CDK14: variants seen among roughly 807,000 people sequenced by gnomAD.
CDK14 encodes the protein cyclin-dependent kinase 14.
A neutral mutation model predicts 60.7 loss-of-function variants in CDK14; 34 were observed. The observed-to-expected ratio is 0.56, with a 90% CI of 0.43 to 0.75. The LOEUF (loss-of-function observed/expected upper bound fraction) is 0.75, where lower values mean the gene tolerates loss of function less well. Ranked by LOEUF, CDK14 falls within the 30% of genes least tolerant of loss-of-function variation. The probability of loss-of-function intolerance (pLI) is 0.00; values close to 1 mark genes in which losing one functional copy is unlikely to be tolerated. For missense variants in CDK14, 482 were observed against 564.1 expected, an observed-to-expected ratio of 0.85 and a Z score of 1.47; for synonymous variants, 197 against 203.7, an observed-to-expected ratio of 0.97 and a Z score of 0.28.
At chr7:90,643,075 C>A (rs1800377933) in intron 2 of CDK14, among the ~76,000 whole-genome samples, 1 of 152,144 alleles carries the variant, frequency 6.6e-6, no homozygotes, top group African/African-American at 2.4e-5. Flanking sequence ...TTTGAGGAGG[C>A]ACCTGGAGGT....
chr7:90,667,079 C>G (rs1215496146), intron 2 of CDK14, among the ~76,000 whole-genome samples: 1 of 151,964 alleles, frequency 6.6e-6, no homozygotes, highest in Non-Finnish European at 1.5e-5. Context: ...GATAGTTGCA[C>G]ATAATAGGTA....
intron 6 of CDK14, among the ~76,000 whole-genome samples, chr7:90,880,554 A>C (rs73222772): frequency 0.058 from 8,870 of 152,276 alleles, 395 homozygotes; most frequent in South Asian, 0.093. Flanking sequence ...GTTTCCCCAC[A>C]GCAAAACATA....
At chr7:91,122,542 C>CTCAAA (rs1799811765) in intron 14 of CDK14, among the ~76,000 whole-genome samples, 1 of 152,180 alleles carries the variant, frequency 6.6e-6, no homozygotes, top group African/African-American at 2.4e-5. Context: ...CATCTCAACT[C>CTCAAA]TGGAAACTGC....
At chr7:90,731,162 G>GTA (rs1802850740) in intron 3 of CDK14, among the ~76,000 whole-genome samples, 1 of 152,168 alleles carries the variant, frequency 6.6e-6, no homozygotes, top group Non-Finnish European at 1.5e-5. Flanking sequence ...TCAGATGGTT[G>GTA]TAGATGTGTG....
intron 9 of CDK14, among the ~76,000 whole-genome samples, chr7:90,980,708 G>A (rs705343): frequency 0.75 from 113,704 of 152,118 alleles, 42,583 homozygotes; most frequent in East Asian, 0.77. Context: ...GTACATCCTC[G>A]AGCATGTTTG....
chr7:90,997,896 A>C (rs1795730744), intron 10 of CDK14, among the ~76,000 whole-genome samples: 1 of 152,204 alleles, frequency 6.6e-6, no homozygotes, highest in African/African-American at 2.4e-5. Context: ...ATTTTGAAGA[A>C]GTTTGACAAA....
chr7:90,976,668 C>T lies in CDK14; in HGVS notation c.948-7480C>T, dbSNP rs150458749. ...AATCAACCATGGCACCTGTCCTCATCGGCCCATTTTTAAATAAGATTGATA... is the reference window on the plus strand; with the variant it reads ...AATCAACCATGGCACCTGTCCTCATTGGCCCATTTTTAAATAAGATTGATA... On this transcript the variant is annotated intron_variant, in intron 9 of 14. Transcript: ENST00000380050. 2.5e-4 allele frequency among the ~76,000 whole-genome samples: 38 copies of T among 152,136 alleles called. 1 individual carries two copies. The highest frequency in any genetic ancestry group is 7.9e-4 in the African/African-American group (33 of 41,528).
chr7:90,848,756 A>G (rs901077584), intron 5 of CDK14, among the ~76,000 whole-genome samples: 2 of 152,202 alleles, frequency 1.3e-5, no homozygotes, highest in Admixed American at 6.5e-5. Flanking sequence ...CTGCCAATCA[A>G]TGAATCTGTA....
At chr7:90,908,031 A>G (rs959329630) in intron 7 of CDK14, among the ~76,000 whole-genome samples, 5 of 152,166 alleles carry the variant, frequency 3.3e-5, no homozygotes, top group Non-Finnish European at 5.9e-5. Context: ...CTGTATTTTA[A>G]TTAAGAAATA....
intron 11 of CDK14, among the ~76,000 whole-genome samples, chr7:91,047,791 AGAG>A (rs1797283006): frequency 6.6e-6 from 1 of 152,162 alleles, no homozygotes; most frequent in Non-Finnish European, 1.5e-5. Flanking sequence ...AGTTTGCTTG[AGAG>A]GAGTCAAGAG....
At chr7:90,770,462 A>G (rs1354674160) in intron 4 of CDK14, among the ~76,000 whole-genome samples, 1 of 152,162 alleles carries the variant, frequency 6.6e-6, no homozygotes, top group Non-Finnish European at 1.5e-5. Flanking sequence ...TTAGGTGAAC[A>G]TTGTTGATTG....
At chr7:91,164,605 A>C (rs1456085523) in intron 14 of CDK14, among the ~76,000 whole-genome samples, 1 of 152,204 alleles carries the variant, frequency 6.6e-6, no homozygotes, top group Admixed American at 6.5e-5. Flanking sequence ...AGATTTGGCT[A>C]TGTTGCAGAT....
At chr7:91,202,796 G>C (rs1274691390) in intron 14 of CDK14, among the ~76,000 whole-genome samples, 1 of 152,148 alleles carries the variant, frequency 6.6e-6, no homozygotes, top group East Asian at 1.9e-4. Flanking sequence ...CCTCTCTTCT[G>C]TTCTCATTAT....
intron 4 of CDK14, among the ~76,000 whole-genome samples, chr7:90,760,847 A>G (rs1170033878): frequency 6.6e-6 from 1 of 152,246 alleles, no homozygotes; most frequent in Non-Finnish European, 1.5e-5. Flanking sequence ...AGATCTGTGT[A>G]TAGGTGAAAG....
intron 9 of CDK14, among the ~76,000 whole-genome samples, chr7:90,965,942 G>A (rs962028726): frequency 9.2e-5 from 14 of 152,020 alleles, no homozygotes; most frequent in African/African-American, 3.4e-4. Flanking sequence ...GAGGGAATTG[G>A]GTTCTTCCCT....
At chr7:90,733,336 T>C (rs1011939352) in intron 3 of CDK14, among the ~76,000 whole-genome samples, 2 of 152,232 alleles carry the variant, frequency 1.3e-5, no homozygotes, top group Admixed American at 6.5e-5. Flanking sequence ...GAGAGTTCTG[T>C]AGATATCATT....
intron 11 of CDK14, among the ~76,000 whole-genome samples, chr7:91,057,161 G>A (rs1288938624): frequency 3.9e-5 from 6 of 152,172 alleles, no homozygotes; most frequent in African/African-American, 9.7e-5. Flanking sequence ...GATGGCCAGT[G>A]ATGATGAGCA....
intron 2 of CDK14, among the ~76,000 whole-genome samples, chr7:90,708,419 A>G (rs1801948245): frequency 6.6e-6 from 1 of 152,194 alleles, no homozygotes; most frequent in South Asian, 2.1e-4. Flanking sequence ...TGCTCATATA[A>G]TTCAATAGTT....
intron 14 of CDK14, among the ~76,000 whole-genome samples, chr7:91,166,911 T>C (rs1372807764): frequency 6.6e-6 from 1 of 152,240 alleles, no homozygotes; most frequent in Non-Finnish European, 1.5e-5. Flanking sequence ...CTCACTTCAT[T>C]TGATAATATT....
Sources: allele counts gnomAD v4.1 joint callset (sites outside exome capture counted in the v4.1 genomes callset), GRCh38; gene constraint gnomAD v4.1.1; transcripts MANE v1.5; gene names NCBI Gene and HGNC (gene_info 2026-07-23, HGNC 2026-07-21).